The following PTDSS2 variants were observed in gnomAD, a reference collection of about 807,000 sequenced individuals.
PTDSS2 encodes the protein PSS-2.
PTDSS2 carries 41 observed loss-of-function variants against 64.7 expected under a neutral mutation model. The ratio of observed to expected loss-of-function variants is 0.63; its 90% CI spans 0.49 to 0.82. The LOEUF (loss-of-function observed/expected upper bound fraction) is 0.82. Among genes scored for constraint, PTDSS2 ranks in the 40% least tolerant of loss-of-function variants. The pLI, the probability that PTDSS2 is intolerant of heterozygous loss-of-function variation, is 0.00. For missense variants in PTDSS2, 485 were observed against 650.0 expected, an observed-to-expected ratio of 0.75 and a Z score of 2.76; for synonymous variants, 297 against 277.8, an observed-to-expected ratio of 1.07 and a Z score of -0.69.
chr11:453,508 A>AG (rs1381422615), intron 1 of PTDSS2, among the ~76,000 whole-genome samples: 2 of 152,214 alleles, frequency 1.3e-5, no homozygotes, highest in African/African-American at 4.8e-5. Flanking sequence ...GAGCCTTCTC[A>AG]GTGACCTGAG....
At chr11:459,353 TAGGA>T (rs1365013336) in intron 1 of PTDSS2, 17 of 150,074 alleles carry the variant, frequency 1.1e-4, no homozygotes, top group African/African-American at 4.3e-4. Flanking sequence ...CCGGTGGATG[TAGGA>T]CCTGGGTTAG....
In PTDSS2 at chr11:462,078, C is replaced by T. The variant is rs1846914918; in HGVS notation, c.284+1790C>T. On this transcript the variant is annotated intron_variant, in intron 2 of 11. Coordinates refer to ENST00000308020, the MANE Select transcript of PTDSS2 (RefSeq NM_030783.3). This position sits in a 1 kb window ranked among gnomAD's most constrained non-coding sequence, Gnocchi z 4.5. ...CCCACATGGCAAGAATTGTCAAGAG[C>T]AGGAGTGCAGGGGGTGTCTTGGGAG... 6.6e-6 allele frequency among the ~76,000 whole-genome samples: 1 copy of T among 152,158 alleles called. No homozygotes were observed. The highest frequency in any genetic ancestry group is 6.5e-5 in the Admixed American group (1 of 15,276).
chr11:450,490 C>T lies in PTDSS2; in HGVS notation c.35C>T (p.Pro12Leu). The change falls in exon 1 of 12, where the codon CCG becomes CTG. Residue 12 changes from proline to leucine, a missense_variant. Pro to Leu is a moderately conservative substitution (Grantham distance 98). This residue lies in a region of PTDSS2 where 251 missense variants were observed against 348.0 expected (regional missense o/e 0.72). Transcript: ENST00000308020. The stretch of plus-strand genomic sequence containing the variant: ...GGCGAGCGCAGGGACGCCGGAGGTC[C>T]GCGGCCCGAGTCCCCGGTGCCCGCG... ...RRGERRDAGG[P>L]RPESPVPAGR... The T allele has an allele frequency of 1.6e-6, 2 of 1,235,776 alleles. No individual in the cohort carries two copies. The highest frequency in any genetic ancestry group is 2.0e-6 in the Non-Finnish European group (2 of 984,296). 76.6% of individuals were successfully genotyped at this position (1,235,776 alleles called of 1,614,324 possible).
At chr11:465,235 C>T (rs1287189504) in intron 2 of PTDSS2, among the ~76,000 whole-genome samples, 1 of 152,230 alleles carries the variant, frequency 6.6e-6, no homozygotes, top group African/African-American at 2.4e-5. Context: ...CTGTCACCCA[C>T]ACTGGAGTGC....
At chr11:449,818 C>G (rs6598019), upstream of PTDSS2, among the ~76,000 whole-genome samples, 129,962 of 151,968 alleles carry the variant, frequency 0.86, 56,060 homozygotes, top group East Asian at 1. Context: ...GTGATGGCGG[C>G]CGCCTGTAAT....
chr11:486,124 G>A (rs1848365889), intron 4 of PTDSS2, among the ~76,000 whole-genome samples: 1 of 152,222 alleles, frequency 6.6e-6, no homozygotes, highest in Non-Finnish European at 1.5e-5. Context: ...TGTGCTGTGA[G>A]CACAGGTGTC....
intron 2 of PTDSS2, among the ~76,000 whole-genome samples, chr11:469,914 G>A (rs543282373): frequency 6.6e-6 from 1 of 152,214 alleles, no homozygotes; most frequent in South Asian, 2.1e-4. Flanking sequence ...GCCTCCCAGT[G>A]GCCAAAGAGC....
intron 1 of PTDSS2, among the ~76,000 whole-genome samples, chr11:456,341 A>ATT (rs34526529): frequency 9.6e-5 from 13 of 135,800 alleles, no homozygotes; most frequent in Admixed American, 3.7e-4. Context: ...CATCCAGTTA[A>ATT]TTTTTTTTTT....
chr11:489,351 A>AGGGTTCGGTGGGCT, intron 8 of PTDSS2, 49 bp from the exon 9 acceptor site: 2 of 1,501,536 alleles, frequency 1.3e-6, no homozygotes, highest in Non-Finnish European at 1.8e-6. Flanking sequence ...GGCACAGGGC[A>AGGGTTCGGTGGGCT]GGGTTCGGTG....
chr11:453,120 C>A (rs900550310), intron 1 of PTDSS2, among the ~76,000 whole-genome samples: 4 of 152,106 alleles, frequency 2.6e-5, no homozygotes, highest in African/African-American at 9.7e-5. Flanking sequence ...TGCTTGTCAG[C>A]CATAGGGATA....
intron 2 of PTDSS2, among the ~76,000 whole-genome samples, chr11:471,464 A>G (rs1847426094): frequency 6.6e-6 from 1 of 152,270 alleles, no homozygotes; most frequent in Non-Finnish European, 1.5e-5. Flanking sequence ...GCCAGGTTAG[A>G]GTCCTGTGTG....
At chr11:488,506 C>T (rs1387516023) in intron 7 of PTDSS2, 23 bp from the exon 8 acceptor site, 5 of 1,590,958 alleles carry the variant, frequency 3.1e-6, no homozygotes, top group Non-Finnish European at 4.3e-6. Flanking sequence ...ACCCCTGCAA[C>T]GAGTGCTGGC....
chr11:449,905 G>A (rs1846239231), upstream of PTDSS2, among the ~76,000 whole-genome samples: 2 of 152,196 alleles, frequency 1.3e-5, no homozygotes, highest in Non-Finnish European at 2.9e-5. Context: ...CCGGGATCGC[G>A]CCATTGCACT....
intron 4 of PTDSS2, 75 bp from the exon 5 acceptor site, chr11:486,864 T>C (rs1029559377): frequency 6.0e-6 from 9 of 1,510,320 alleles, no homozygotes; most frequent in East Asian, 2.3e-5. Flanking sequence ...ATAAAATAAA[T>C]AAACAACCAT....
intron 2 of PTDSS2, among the ~76,000 whole-genome samples, chr11:464,488 G>C (rs1049469587): frequency 2.6e-5 from 4 of 152,216 alleles, no homozygotes; most frequent in African/African-American, 9.7e-5. Context: ...CCTGCGCTCA[G>C]AGTGCCTCAC....
chr11:469,011 G>C (rs1416424527), intron 2 of PTDSS2, among the ~76,000 whole-genome samples: 4 of 124,598 alleles, frequency 3.2e-5, no homozygotes, highest in African/African-American at 6.2e-5. Context: ...AGGAGGAGGG[G>C]AGTCTCTGGG....
rs558394104 is a variant in PTDSS2, at chr11:470,125, G to A, written c.285-3770G>A. Among the ~76,000 whole-genome samples the A allele has an allele frequency of 4.8e-4, 73 of 152,312 alleles. No homozygotes were observed. The highest frequency in any genetic ancestry group is 3.4e-3 in the Middle Eastern group (1 of 294). On this transcript the variant is annotated intron_variant, in intron 2 of 11. Transcript: ENST00000308020. This position sits in a 1 kb window ranked among gnomAD's most constrained non-coding sequence, Gnocchi z 5.3. ...CCGGCACCGCTGTGCGCTGCGCGTG[G>A]TGACCTGACCTCCTTCCTGGGCGTG... is the stretch of plus-strand genomic sequence containing the variant.
chr11:490,684 G>T lies in PTDSS2; in HGVS notation c.*102G>T, dbSNP rs1848637053. 4 of 1,305,854 alleles carry T rather than the reference G, an allele frequency of 3.1e-6. No individual in the cohort carries two copies. In the South Asian group the frequency reaches 6.0e-5, roughly 20 times the overall value. The allele number at this position is 1,305,854 out of a possible 1,614,324, so 80.9% of individuals were successfully genotyped here. On this transcript the variant is annotated 3_prime_UTR_variant, in exon 12 of 12. Transcript: ENST00000308020. ...GCCACGTGCCCGGCCTTGCCCTCAA[G>T]GTTTTTTGCTTTTCTCCTGTGCACC...
At position 489,730 on chromosome 11, in the gene PTDSS2, A is replaced by T. The variant is rs761900044; in HGVS notation, c.1112A>T (p.Asp371Val). The T allele has an allele frequency of 6.2e-7, 1 of 1,608,546 alleles. No homozygotes were observed. Among genetic ancestry groups the T allele is most frequent in the Non-Finnish European group, 8.5e-7 (1 of 1,177,858 alleles). ...CGTGAGATCTACGACTTCATGGATG[A>T]CCCGTGAGGGCTGCGGCAGTCCGGG... Reference protein sequence around the residue: ...AMREIYDFMDDPKPHKKLGPQ... With the variant: ...AMREIYDFMDVPKPHKKLGPQ... Residue 371 changes from aspartate to valine, a missense_variant, in exon 10 of 12, where the codon GAC becomes GTC. Around this residue, in one of 3 missense-constraint regions of PTDSS2, gnomAD observed 219 missense variants for 257.3 expected, o/e 0.85. Transcript: ENST00000308020.
Sources: allele counts gnomAD v4.1 joint callset (sites outside exome capture counted in the v4.1 genomes callset), GRCh38; gene constraint gnomAD v4.1.1; regional missense constraint gnomAD v4.1.1; non-coding constraint Gnocchi (gnomAD v3.1); transcripts MANE v1.5; gene names NCBI Gene and HGNC (gene_info 2026-07-23, HGNC 2026-07-21).